The following LRP1B variants were observed in gnomAD, a reference collection of about 807,000 sequenced individuals.
LRP1B encodes the protein LDL receptor related protein 1B, also known as low-density lipoprotein receptor-related protein 1B.
A neutral mutation model predicts 556.6 loss-of-function variants in LRP1B; 217 were observed. That is an observed-to-expected ratio of 0.39 (90% CI 0.35 to 0.44). LRP1B has a LOEUF of 0.44. Ranked by LOEUF, LRP1B falls within the 20% of genes least tolerant of loss-of-function variation. The probability of loss-of-function intolerance (pLI) is 1.00; values close to 1 mark genes in which losing one functional copy is unlikely to be tolerated. For missense variants in LRP1B, 5,053 were observed against 5,620.8 expected (o/e 0.90, Z 3.23); for synonymous variants, 2,047 against 1,865.8 (o/e 1.10, Z -2.50).
chr2:140,702,668 T>C (rs531248989), intron 37 of LRP1B, 115 bp from the exon 38 acceptor site: 130 of 922,372 alleles, frequency 1.4e-4, no homozygotes, highest in Non-Finnish European at 1.7e-4. Context: ...ATAAAAATAA[T>C]ACATTTCGGA....
At chr2:140,545,942 T>G (rs1320328424) in intron 43 of LRP1B, among the ~76,000 whole-genome samples, 1 of 151,926 alleles carries the variant, frequency 6.6e-6, no homozygotes, top group African/African-American at 2.4e-5. Context: ...CATTGAGCAG[T>G]GTTTTGTAGT....
intron 88 of LRP1B, 75 bp downstream of exon 88, chr2:140,239,367 A>G (rs1425294738): frequency 1.1e-6 from 1 of 939,220 alleles, no homozygotes; most frequent in East Asian, 2.6e-5. Flanking sequence ...AAAAAAATTA[A>G]CAACAAACAT....
chr2:141,424,271 G>A (rs757157606), intron 3 of LRP1B, among the ~76,000 whole-genome samples: 5 of 151,908 alleles, frequency 3.3e-5, no homozygotes, highest in Admixed American at 2.0e-4. Context: ...GCGCCACCAC[G>A]CCCAGCTAAT....
At chr2:140,236,932 TTGTTA>T (rs1680731973) in intron 89 of LRP1B, among the ~76,000 whole-genome samples, 1 of 150,332 alleles carries the variant, frequency 6.7e-6, no homozygotes, top group African/African-American at 2.4e-5. Context: ...ATACTGTGTT[TTGTTA>T]TGTTTTTATA....
At chr2:140,782,013 G>A (rs1398563972) in intron 32 of LRP1B, among the ~76,000 whole-genome samples, 1 of 151,884 alleles carries the variant, frequency 6.6e-6, no homozygotes, top group Admixed American at 6.6e-5. Flanking sequence ...GTTTTTGACT[G>A]CATAATTATT....
At chr2:141,661,584 C>G (rs1690222730) in intron 2 of LRP1B, among the ~76,000 whole-genome samples, 1 of 152,030 alleles carries the variant, frequency 6.6e-6, no homozygotes, top group Non-Finnish European at 1.5e-5. Context: ...AATTTCAGAG[C>G]TTGAAGATTG....
chr2:141,628,152 A>G (rs762916780), intron 2 of LRP1B, among the ~76,000 whole-genome samples: 46 of 152,312 alleles, frequency 3.0e-4, no homozygotes, highest in Middle Eastern at 3.4e-3. Context: ...CCTAAACTTG[A>G]CATTACAGAG....
chr2:141,285,292 T>C (rs1254973015), intron 3 of LRP1B, among the ~76,000 whole-genome samples: 3 of 151,618 alleles, frequency 2.0e-5, no homozygotes, highest in Admixed American at 1.3e-4. Context: ...TTTCACTATG[T>C]TGGCCAGGCT....
intron 1 of LRP1B, among the ~76,000 whole-genome samples, chr2:142,001,891 A>G (rs1172932474): frequency 6.6e-6 from 1 of 152,134 alleles, no homozygotes; most frequent in East Asian, 1.9e-4. Flanking sequence ...ACATTTTCAA[A>G]GCGGCATGCT....
At chr2:141,575,589 A>G (rs1339684051) in intron 2 of LRP1B, among the ~76,000 whole-genome samples, 1 of 152,200 alleles carries the variant, frequency 6.6e-6, no homozygotes, top group Non-Finnish European at 1.5e-5. Flanking sequence ...ACAAAAGCCA[A>G]AATTTACAAA....
chr2:140,740,282 G>A (rs540031806), intron 35 of LRP1B, among the ~76,000 whole-genome samples: 5 of 152,162 alleles, frequency 3.3e-5, no homozygotes, highest in South Asian at 2.1e-4. Context: ...ATCAATCAAC[G>A]GGTAGATAAA....
At chr2:141,745,199 C>T (rs866774962) in intron 2 of LRP1B, among the ~76,000 whole-genome samples, 3 of 152,014 alleles carry the variant, frequency 2.0e-5, no homozygotes, top group Middle Eastern at 3.2e-3. Flanking sequence ...CTGGCTACCA[C>T]CTATGTTCAA....
intron 3 of LRP1B, among the ~76,000 whole-genome samples, chr2:141,399,734 C>T (rs1331791920): frequency 6.6e-6 from 1 of 152,104 alleles, no homozygotes; most frequent in Non-Finnish European, 1.5e-5. Flanking sequence ...TGTCATTGTC[C>T]TCGTTTGTGA....
chr2:140,499,729 A>G (rs950464992), intron 55 of LRP1B, among the ~76,000 whole-genome samples: 4 of 149,872 alleles, frequency 2.7e-5, no homozygotes, highest in African/African-American at 9.7e-5. Flanking sequence ...AGGTACAGTA[A>G]AAATATTTAG....
At chr2:140,799,461 C>T (rs188043987) in intron 32 of LRP1B, among the ~76,000 whole-genome samples, 1 of 152,280 alleles carries the variant, frequency 6.6e-6, no homozygotes, top group East Asian at 1.9e-4. Flanking sequence ...CGAAAAAATA[C>T]ATTTCTGTTG....
intron 86 of LRP1B, among the ~76,000 whole-genome samples, chr2:140,265,056 T>G (rs1682136682): frequency 6.6e-6 from 1 of 151,998 alleles, no homozygotes; most frequent in African/African-American, 2.4e-5. Flanking sequence ...GCATGAAATC[T>G]ATTGTGGATA....
chr2:141,855,972 C>T (rs1283405597), intron 1 of LRP1B, among the ~76,000 whole-genome samples: 1 of 152,090 alleles, frequency 6.6e-6, no homozygotes, highest in Non-Finnish European at 1.5e-5. Context: ...CAAAACAAGA[C>T]ACCAATATTA....
At chr2:142,121,680 T>C (rs1387173942) in intron 1 of LRP1B, among the ~76,000 whole-genome samples, 1 of 150,270 alleles carries the variant, frequency 6.7e-6, no homozygotes, top group African/African-American at 2.4e-5. Context: ...TCTTTCTTTT[T>C]AGCAAGGATG....
chr2:141,210,249 A>AG (rs1415374134), intron 6 of LRP1B, among the ~76,000 whole-genome samples: 1 of 113,010 alleles, frequency 8.8e-6, no homozygotes, highest in Non-Finnish European at 2.3e-5. Flanking sequence ...AGGAAATATA[A>AG]GAAAAAAAAA....
Sources: allele counts gnomAD v4.1 joint callset (sites outside exome capture counted in the v4.1 genomes callset), GRCh38; gene constraint gnomAD v4.1.1; transcripts MANE v1.5; gene names NCBI Gene and HGNC (gene_info 2026-07-23, HGNC 2026-07-21).